BFSP2: variants seen among roughly 807,000 people sequenced by gnomAD.
The protein encoded by BFSP2 is phakinin.
Under a neutral mutation model 44.9 loss-of-function variants are expected in BFSP2, and 38 were observed. The observed-to-expected ratio is 0.85, with a 90% CI of 0.65 to 1.11. The LOEUF (loss-of-function observed/expected upper bound fraction) is 1.11. Ranked by LOEUF, BFSP2 falls within the 50% of genes least tolerant of loss-of-function variation. BFSP2 has a pLI of 0.00. For synonymous variants in BFSP2, 197 were observed against 209.9 expected (o/e 0.94, Z 0.53); for missense variants, 525 against 533.0 (o/e 0.99, Z 0.15).
In BFSP2 at chr3:133,472,411, G is replaced by C. The variant is rs759259021; in HGVS notation, c.1090G>C (p.Gly364Arg). 3.7e-6 allele frequency: 6 copies of C among 1,614,140 alleles called. No homozygotes were observed. The South Asian group carries it at 6.6e-5, about 18-fold the overall frequency. The change falls in exon 6 of 7, where the codon GGC becomes CGC. Residue 364 changes from glycine (G) to arginine (R), a missense_variant. Coordinates refer to ENST00000302334, the MANE Select transcript of BFSP2 (RefSeq NM_003571.4). ...GCATGACATGGAGCTCCAGAACCTG[G>C]GCGCTGTGGTCGGCCGGCTGGAGGC... ...HWHDMELQNL[G>R]AVVGRLEAEL...
chr3:133,471,197 T>A (rs2074158514), intron 5 of BFSP2, among the ~76,000 whole-genome samples: 1 of 152,056 alleles, frequency 6.6e-6, no homozygotes, highest in Non-Finnish European at 1.5e-5. Context: ...CTGTGGCTAT[T>A]TGTGTGTGGA....
chr3:133,468,852 T>G (rs746992500), intron 5 of BFSP2, among the ~76,000 whole-genome samples: 4 of 152,242 alleles, frequency 2.6e-5, no homozygotes, highest in Non-Finnish European at 4.4e-5. Flanking sequence ...CCAATGCAAG[T>G]GTGAGCCACT....
At chr3:133,456,629 C>T (rs1252934008) in intron 4 of BFSP2, among the ~76,000 whole-genome samples, 1 of 152,018 alleles carries the variant, frequency 6.6e-6, no homozygotes, top group Non-Finnish European at 1.5e-5. Flanking sequence ...GCCTGCAGTC[C>T]CATGGAAACT....
chr3:133,432,375 T>C (rs1218395967), intron 1 of BFSP2, among the ~76,000 whole-genome samples: 4 of 152,160 alleles, frequency 2.6e-5, no homozygotes, highest in Non-Finnish European at 5.9e-5. Context: ...TTAAAGATGC[T>C]TTTTTCACTA....
intron 1 of BFSP2, among the ~76,000 whole-genome samples, chr3:133,431,418 C>A (rs564156231): frequency 6.6e-6 from 1 of 152,308 alleles, no homozygotes; most frequent in South Asian, 2.1e-4. Flanking sequence ...TGCCAGAAAT[C>A]TGACCACCAG....
intron 1 of BFSP2, among the ~76,000 whole-genome samples, chr3:133,404,567 T>C (rs932886773): frequency 6.6e-6 from 1 of 152,194 alleles, no homozygotes; most frequent in African/African-American, 2.4e-5. Flanking sequence ...CCCAGAATCA[T>C]GGAGCGAGGC....
intron 1 of BFSP2, among the ~76,000 whole-genome samples, chr3:133,416,223 T>C (rs1359399209): frequency 8.7e-6 from 1 of 114,588 alleles, no homozygotes; most frequent in African/African-American, 3.5e-5. Context: ...TCCGCTCTAC[T>C]CACCCCTCTA....
intron 1 of BFSP2, chr3:133,410,948 G>C (rs1243180692): frequency 6.6e-6 from 1 of 152,404 alleles, no homozygotes; most frequent in Non-Finnish European, 1.5e-5. Context: ...GAATGTAAAA[G>C]TTTAGAGATG....
intron 1 of BFSP2, among the ~76,000 whole-genome samples, chr3:133,418,036 A>C (rs1576564894): frequency 1.8e-4 from 15 of 83,442 alleles, no homozygotes; most frequent in Admixed American, 2.4e-4. Context: ...TCTCCCCTCT[A>C]CTCATCCCTA....
intron 1 of BFSP2, among the ~76,000 whole-genome samples, chr3:133,446,768 C>T (rs774535686): frequency 1.3e-5 from 2 of 150,578 alleles, no homozygotes; most frequent in Non-Finnish European, 3.0e-5. Context: ...ACTATATCCA[C>T]AATGTTTATG....
In BFSP2 at chr3:133,450,373, G is replaced by T. The variant is rs1406155353; in HGVS notation, c.800G>T (p.Gly267Val). 17 of 1,614,200 alleles carry T rather than the reference G, an allele frequency of 1.1e-5. No individual in the cohort carries two copies. The highest frequency in any genetic ancestry group is 1.4e-5 in the Non-Finnish European group (17 of 1,180,042). The change falls in exon 4 of 7, where the codon GGT becomes GTT. Residue 267 changes from glycine to valine, a missense_variant. Coordinates refer to ENST00000302334, the MANE Select transcript of BFSP2 (RefSeq NM_003571.4). ...CAAATGGATGCTCCCATTGGCACTGGTCTGGACGACATCCTTGAGACGATC... is the reference window on the plus strand; with the variant it reads ...CAAATGGATGCTCCCATTGGCACTGTTCTGGACGACATCCTTGAGACGATC... ...LEQMDAPIGT[G>V]LDDILETIRI...
At chr3:133,425,881 G>C (rs1233890612) in intron 1 of BFSP2, among the ~76,000 whole-genome samples, 1 of 101,526 alleles carries the variant, frequency 9.8e-6, no homozygotes, top group Admixed American at 1.1e-4. Flanking sequence ...AATAAAGAAG[G>C]GAAGGGAAGG....
intron 1 of BFSP2, among the ~76,000 whole-genome samples, chr3:133,425,984 GCA>G (rs2107899392): frequency 2.3e-5 from 1 of 42,996 alleles, no homozygotes; most frequent in African/African-American, 1.8e-4. Flanking sequence ...GGAGGGGAAG[GCA>G]GGGCAGGGCA....
At chr3:133,425,668 T>G (rs977523039) in intron 1 of BFSP2, among the ~76,000 whole-genome samples, 7 of 151,784 alleles carry the variant, frequency 4.6e-5, no homozygotes, top group Non-Finnish European at 1.0e-4. Context: ...GCAAGGATGC[T>G]GAAGTCAGTT....
At chr3:133,430,330 C>T (rs1211905350) in intron 1 of BFSP2, among the ~76,000 whole-genome samples, 1 of 151,442 alleles carries the variant, frequency 6.6e-6, no homozygotes, top group Non-Finnish European at 1.5e-5. Flanking sequence ...GGAATCGCCA[C>T]ACTGACTTCC....
intron 1 of BFSP2, among the ~76,000 whole-genome samples, chr3:133,408,356 A>T (rs1422906323): frequency 6.6e-6 from 1 of 152,226 alleles, no homozygotes; most frequent in Non-Finnish European, 1.5e-5. Flanking sequence ...AGTATGTCAA[A>T]CTATTTGTTG....
chr3:133,414,754 ACCCCTATTCTCTCCC>A (rs2073496400), intron 1 of BFSP2, among the ~76,000 whole-genome samples: 1 of 33,458 alleles, frequency 3.0e-5, no homozygotes. Context: ...CCCTCTACTC[ACCCCTATTCTCTCCC>A]CTCTACTCAC....
At chr3:133,454,634 G>T (rs1003633125) in intron 4 of BFSP2, among the ~76,000 whole-genome samples, 2 of 152,168 alleles carry the variant, frequency 1.3e-5, no homozygotes, top group African/African-American at 4.8e-5. Flanking sequence ...TGCTAGAACA[G>T]TGCCCAGAAC....
At chr3:133,413,275 G>C (rs981140193) in intron 1 of BFSP2, among the ~76,000 whole-genome samples, 1 of 151,932 alleles carries the variant, frequency 6.6e-6, no homozygotes, top group Non-Finnish European at 1.5e-5. Context: ...AGAACTCCAC[G>C]GAAGCAAGAG....
Sources: gnomAD v4.1 joint callset for allele counts (sites outside exome capture counted in the v4.1 genomes callset) on GRCh38, gnomAD v4.1.1 for gene constraint, MANE v1.5 for transcripts, NCBI Gene and HGNC (gene_info 2026-07-23, HGNC 2026-07-21) for gene names.